KIRREL3: variants seen among roughly 807,000 people sequenced by gnomAD.
The protein encoded by KIRREL3 is kin of IRRE-like protein 3.
KIRREL3 carries 36 observed loss-of-function variants against 89.7 expected under a neutral mutation model. That is an observed-to-expected ratio of 0.40 (90% confidence interval 0.31 to 0.53). The LOEUF is 0.53. Among genes scored for constraint, KIRREL3 ranks in the 20% least tolerant of loss-of-function variants. The pLI, the probability that KIRREL3 is intolerant of heterozygous loss-of-function variation, is 0.49. For synonymous variants in KIRREL3, 445 were observed against 441.4 expected (o/e 1.01, Z -0.10); for missense variants, 864 against 1,056.6 (o/e 0.82, Z 2.53).
At chr11:126,841,845 A>G (rs11220635) in intron 1 of KIRREL3, among the ~76,000 whole-genome samples, 3,237 of 152,246 alleles carry the variant, frequency 0.021, 36 homozygotes, top group Non-Finnish European at 0.035. Context: ...CCTACCCAAT[A>G]GTTGGTTTTT....
intron 1 of KIRREL3, among the ~76,000 whole-genome samples, chr11:126,756,743 C>T (rs927584015): frequency 1.3e-5 from 2 of 152,240 alleles, no homozygotes; most frequent in Admixed American, 1.3e-4. Flanking sequence ...ATTCCACCTC[C>T]ACTCCCAATG....
chr11:126,869,635 C>T (rs758776749), intron 1 of KIRREL3, among the ~76,000 whole-genome samples: 15 of 152,140 alleles, frequency 9.9e-5, no homozygotes, highest in Admixed American at 4.6e-4. Flanking sequence ...TCCATGTTCA[C>T]AGGGAGCTGG....
At chr11:126,554,926 C>T (rs1290998322) in intron 2 of KIRREL3, among the ~76,000 whole-genome samples, 5 of 152,158 alleles carry the variant, frequency 3.3e-5, no homozygotes, top group African/African-American at 9.7e-5. Flanking sequence ...AACTGGGCAT[C>T]GGAGACTATG....
intron 1 of KIRREL3, among the ~76,000 whole-genome samples, chr11:126,884,644 T>C (rs894513331): frequency 1.2e-4 from 18 of 152,144 alleles, no homozygotes; most frequent in African/African-American, 4.3e-4. Context: ...AGCAAATGCA[T>C]AAGCAAGCAA....
At chr11:126,425,804 A>G (rs1039635066) in intron 15 of KIRREL3, 80 bp from the exon 16 acceptor site, 4 of 1,171,860 alleles carry the variant, frequency 3.4e-6, no homozygotes, top group Non-Finnish European at 5.0e-6. Context: ...GAGATCAGAA[A>G]CTCAAAAGAT....
intron 4 of KIRREL3, among the ~76,000 whole-genome samples, chr11:126,480,440 G>A (rs76219526): frequency 0.027 from 4,043 of 152,250 alleles, 170 homozygotes; most frequent in African/African-American, 0.087. Context: ...GACTATTAGG[G>A]TCTTCATTTT....
At position 126,766,681 on chromosome 11, in the gene KIRREL3, A is replaced by G. The variant is rs1054072418; in HGVS notation, c.56-203769T>C. Among the ~76,000 whole-genome samples, 1 of 152,088 alleles carries G rather than the reference A, an allele frequency of 6.6e-6. No individual in the cohort carries two copies. Among genetic ancestry groups the G allele is most frequent in the African/African-American group, 2.4e-5 (1 of 41,406 alleles). On this transcript the variant is annotated intron_variant, in intron 1 of 16. Transcript: ENST00000525144. This position sits in a 1 kb window ranked among gnomAD's most constrained non-coding sequence, Gnocchi z 4.2. Reference sequence around the variant, plus strand: ...GGAAGTTCTTTTCTGGGGCTTTGATAATCTCAATAGGCACTTACAGAATTG... The same window carrying G: ...GGAAGTTCTTTTCTGGGGCTTTGATGATCTCAATAGGCACTTACAGAATTG...
At chr11:126,785,101 A>G (rs1451301694) in intron 1 of KIRREL3, among the ~76,000 whole-genome samples, 1 of 152,136 alleles carries the variant, frequency 6.6e-6, no homozygotes. Context: ...AGAATCTTAT[A>G]CTAAACTCTA....
At position 126,557,646 on chromosome 11, in the gene KIRREL3, T is replaced by C. The variant is rs1029597575; in HGVS notation, c.133+5189A>G. On this transcript the variant is annotated intron_variant, in intron 2 of 16. Transcript: ENST00000525144. This position sits in a 1 kb window ranked among gnomAD's most constrained non-coding sequence, Gnocchi z 5.6. Reference sequence around the variant, plus strand: ...AGTAGAAGCTTTAGACTCATTTTTTTATTAGTGTACGAGGGTGCATAAAGA... The same window carrying C: ...AGTAGAAGCTTTAGACTCATTTTTTCATTAGTGTACGAGGGTGCATAAAGA... Among the ~76,000 whole-genome samples, 11 of 152,208 alleles carry C rather than the reference T, an allele frequency of 7.2e-5. No individual in the cohort carries two copies. Among genetic ancestry groups the C allele is most frequent in the Non-Finnish European group, 1.6e-4 (11 of 68,040 alleles).
chr11:126,847,814 C>T (rs190886671), intron 1 of KIRREL3, among the ~76,000 whole-genome samples: 39 of 152,264 alleles, frequency 2.6e-4, no homozygotes, highest in Admixed American at 2.0e-3. Flanking sequence ...TTTCCCTCTA[C>T]CTGATTGCTT....
In KIRREL3 at chr11:126,435,162, T is replaced by A. The variant is rs1171179259; in HGVS notation, c.1588+106A>T. ...TCAGGACGGGGGAGGGCGGAGACAC[T>A]AGCGGCCAGCACAGGCCTCCCTACC... On this transcript the variant is annotated intron_variant, in intron 13 of 16. Transcript: ENST00000525144. 3.4e-6 allele frequency: 4 copies of A among 1,171,114 alleles called. No individual in the cohort carries two copies. In the Admixed American group the frequency reaches 5.2e-5, roughly 15 times the overall value. 72.5% of individuals were successfully genotyped at this position (1,171,114 alleles called of 1,614,324 possible).
At chr11:126,688,226 G>A (rs149164942) in intron 1 of KIRREL3, among the ~76,000 whole-genome samples, 130 of 152,306 alleles carry the variant, frequency 8.5e-4, no homozygotes, top group African/African-American at 3.0e-3. Context: ...CCACAGTCAG[G>A]TGATCTCTGA....
At chr11:126,809,722 C>A (rs986799517) in intron 1 of KIRREL3, among the ~76,000 whole-genome samples, 1 of 152,186 alleles carries the variant, frequency 6.6e-6, no homozygotes, top group Non-Finnish European at 1.5e-5. Context: ...CTGTACAGGG[C>A]TTTGCTATCA....
intron 1 of KIRREL3, among the ~76,000 whole-genome samples, chr11:126,679,699 T>C (rs1274033795): frequency 6.6e-6 from 1 of 152,176 alleles, no homozygotes; most frequent in Non-Finnish European, 1.5e-5. Context: ...AATCACGAAG[T>C]TTTTCCACAT....
At position 126,523,355 on chromosome 11, in the gene KIRREL3, T is replaced by C. The variant is rs1288839452; in HGVS notation, c.284-1891A>G. Among the ~76,000 whole-genome samples the C allele has an allele frequency of 6.6e-6, 1 of 151,868 alleles. No homozygotes were observed. The highest frequency in any genetic ancestry group is 1.5e-5 in the Non-Finnish European group (1 of 67,960). ...GAGGTGGGGCAGGCCTCCCTGGGGG[T>C]GGGCTGTACAACGGGCCACCAGCAC... On this transcript the variant is annotated intron_variant, in intron 3 of 16. Transcript: ENST00000525144. This position sits in a 1 kb window ranked among gnomAD's most constrained non-coding sequence, Gnocchi z 4.9.
At chr11:126,599,446 C>T (rs563117647) in intron 1 of KIRREL3, among the ~76,000 whole-genome samples, 1 of 152,304 alleles carries the variant, frequency 6.6e-6, no homozygotes, top group African/African-American at 2.4e-5. Context: ...GTGACCAGCT[C>T]TTCCTGGGCT....
intron 1 of KIRREL3, among the ~76,000 whole-genome samples, chr11:126,998,798 G>T (rs148072343): frequency 6.6e-6 from 1 of 152,260 alleles, no homozygotes; most frequent in East Asian, 1.9e-4. Flanking sequence ...GCATGCACTG[G>T]TCCCATGCAA....
rs1957373922 is a variant in KIRREL3 at position 126,486,818 on chromosome 11, G to C, written c.434-13352C>G. Among the ~76,000 whole-genome samples the C allele has an allele frequency of 6.6e-6, 1 of 152,200 alleles. No homozygotes were observed. Among genetic ancestry groups the C allele is most frequent in the East Asian group, 1.9e-4 (1 of 5,196 alleles). ...TGTGCTAGCAGGAGGATCTGCATTG[G>C]TTCACTTCGGTAGCTTTAATAGCAT... On this transcript the variant is annotated intron_variant, in intron 4 of 16. Transcript: ENST00000525144. This position sits in a 1 kb window ranked among gnomAD's most constrained non-coding sequence, Gnocchi z 6.2.
At chr11:126,690,302 A>T (rs1042488796) in intron 1 of KIRREL3, among the ~76,000 whole-genome samples, 5 of 152,112 alleles carry the variant, frequency 3.3e-5, no homozygotes, top group Non-Finnish European at 7.3e-5. Context: ...TTGAAGCCTA[A>T]ATACTTAACC....
Sources: gnomAD v4.1 joint callset for allele counts (sites outside exome capture counted in the v4.1 genomes callset) on GRCh38, gnomAD v4.1.1 for gene constraint, Gnocchi (gnomAD v3.1) non-coding constraint, MANE v1.5 for transcripts, NCBI Gene and HGNC (gene_info 2026-07-23, HGNC 2026-07-21) for gene names.